Variants in COL17A1 observed in about 807,000 individuals in gnomAD.
COL17A1 encodes the protein collagen type XVII alpha 1 chain, also known as collagen alpha-1(XVII) chain.
A neutral mutation model predicts 218.4 loss-of-function variants in COL17A1; 181 were observed. That is an observed-to-expected ratio of 0.83 (90% CI 0.73 to 0.94). COL17A1 has a LOEUF of 0.94. COL17A1 is among the 40% of genes least tolerant of loss of function. The pLI is 0.00. For synonymous variants in COL17A1, 721 were observed against 731.0 expected (o/e 0.99, Z 0.22); for missense variants, 1,924 against 1,945.9 (o/e 0.99, Z 0.21).
chr10:104,080,776 T>C, intron 1 of COL17A1, 92 bp from the exon 2 acceptor site: 1 of 1,319,494 alleles, frequency 7.6e-7, no homozygotes, highest in Non-Finnish European at 1.1e-6. Flanking sequence ...ACCAAAAACA[T>C]GATTTCAAGA....
intron 13 of COL17A1, among the ~76,000 whole-genome samples, chr10:104,060,638 C>T (rs1010742545): frequency 6.6e-6 from 1 of 152,138 alleles, no homozygotes; most frequent in Non-Finnish European, 1.5e-5. Flanking sequence ...TCATTTTTAT[C>T]CTCCAGGTCT....
At chr10:104,055,338 T>G (rs773092463) in intron 19 of COL17A1, 34 bp downstream of exon 19, 1 of 1,613,788 alleles carries the variant, frequency 6.2e-7, no homozygotes, top group South Asian at 1.1e-5. Context: ...CTGCAGGAAA[T>G]GAATCAGAGA....
rs762024275 is a variant in COL17A1, at chr10:104,053,920, C to T, written c.1834G>A (p.Gly612Arg). 12 of 1,560,932 alleles carry T rather than the reference C, an allele frequency of 7.7e-6. No individual in the cohort carries two copies. The highest frequency in any genetic ancestry group is 8.8e-7 in the Non-Finnish European group (1 of 1,131,774). The part of the protein sequence containing the change: ...QGPKGQKGSV[G>R]DPGMEGPMGQ... Reference sequence around the variant, plus strand: ...GAATAAAGAAAAATGTGTTTCTTACCCACGCTGCCTTTTTGACCCTTTGGT... The same window carrying T: ...GAATAAAGAAAAATGTGTTTCTTACTCACGCTGCCTTTTTGACCCTTTGGT... The change falls in exon 22 of 56, where the codon GGA becomes AGA. Residue 612 changes from glycine (G) to arginine (R), a missense_variant and splice_region_variant. Gly to Arg is a moderately radical substitution (Grantham distance 125). Transcript: ENST00000648076.
intron 45 of COL17A1, among the ~76,000 whole-genome samples, 167 bp downstream of exon 45, chr10:104,038,223 GACACACATACACACAC>G (rs1210077928): frequency 6.3e-5 from 8 of 126,560 alleles, no homozygotes; most frequent in African/African-American, 2.3e-4. Context: ...TGGACACATA[GACACACATACACACAC>G]ACACACACAC....
At chr10:104,066,935 G>C (rs757400651) in intron 9 of COL17A1, among the ~76,000 whole-genome samples, 11 of 152,146 alleles carry the variant, frequency 7.2e-5, no homozygotes, top group African/African-American at 9.7e-5. Context: ...ATTTTAAATA[G>C]GAAATAAGGC....
At position 104,062,245 on chromosome 10, in the gene COL17A1, C is replaced by T; in HGVS notation, c.910+13G>A. The T allele has an allele frequency of 6.2e-7, 1 of 1,614,228 alleles. No individual in the cohort carries two copies. The highest frequency in any genetic ancestry group is 8.5e-7 in the Non-Finnish European group (1 of 1,180,032). Reference sequence around the variant, plus strand: ...ACTTTCCAGCGCCTAAGCTCCAACCCTAGCCTACTGACCTGTGGAAGTGGT... The same window carrying T: ...ACTTTCCAGCGCCTAAGCTCCAACCTTAGCCTACTGACCTGTGGAAGTGGT... On this transcript the variant is annotated intron_variant, in intron 12 of 55. Coordinates refer to ENST00000648076, the MANE Select transcript of COL17A1 (RefSeq NM_000494.4).
At chr10:104,043,144 C>T (rs1480718643) in intron 35 of COL17A1, among the ~76,000 whole-genome samples, 1 of 152,172 alleles carries the variant, frequency 6.6e-6, no homozygotes, top group Non-Finnish European at 1.5e-5. Context: ...ACAAAGGGCT[C>T]AAGGACTGAG....
At chr10:104,080,304 T>C (rs376974966) in intron 2 of COL17A1, among the ~76,000 whole-genome samples, 1 of 152,256 alleles carries the variant, frequency 6.6e-6, no homozygotes, top group South Asian at 2.1e-4. Flanking sequence ...TCTGTTGCCC[T>C]GTACCCCTAA....
At chr10:104,034,558 C>CACTT in intron 51 of COL17A1, 63 bp downstream of exon 51, 1 of 1,576,232 alleles carries the variant, frequency 6.3e-7, no homozygotes, top group South Asian at 1.2e-5. Context: ...CTCCCTGCCC[C>CACTT]ACTTACAGGG....
Position 104,034,631 on chromosome 10 carries a change from G to T in COL17A1, c.3756C>A (p.Ser1252Arg). The T allele has an allele frequency of 6.2e-7, 1 of 1,610,208 alleles. No homozygotes were observed. The highest frequency in any genetic ancestry group is 1.7e-5 in the Admixed American group (1 of 59,604). Residue 1252 changes from serine to arginine, a missense_variant, in exon 51 of 56, where the codon AGC becomes AGA. By Grantham distance (110) the Ser-to-Arg change is moderately radical. Coordinates refer to ENST00000648076, the MANE Select transcript of COL17A1 (RefSeq NM_000494.4). ...NSDSFRSELI[S>R]YLTSPDVRSF... ...CGTCGGGGCACCTACTTGTGAGGTA[G>T]CTGATCAGCTCGCTCCGGAAGCTGT...
chr10:104,036,077 A>AGTGTGAGTATGGGT (rs2086288763), intron 48 of COL17A1, among the ~76,000 whole-genome samples: 2 of 44,754 alleles, frequency 4.5e-5, no homozygotes, highest in Admixed American at 2.3e-4. Context: ...TGTGTATGGG[A>AGTGTGAGTATGGGT]GTGTGTATGG....
At chr10:104,036,692 T>A in intron 47 of COL17A1, 60 bp from the exon 48 acceptor site, 1 of 1,588,770 alleles carries the variant, frequency 6.3e-7, no homozygotes, top group Non-Finnish European at 8.6e-7. Context: ...GCAGCCATGA[T>A]CCAGCCACAG....
At chr10:104,062,149 G>C in intron 12 of COL17A1, 109 bp downstream of exon 12, 1 of 1,533,094 alleles carries the variant, frequency 6.5e-7, no homozygotes, top group Admixed American at 1.7e-5. Flanking sequence ...TCTTTGGTGG[G>C]AAAGGTCGAC....
intron 33 of COL17A1, among the ~76,000 whole-genome samples, chr10:104,044,171 C>G (rs1311256110): frequency 6.6e-6 from 1 of 152,204 alleles, no homozygotes; most frequent in Non-Finnish European, 1.5e-5. Flanking sequence ...TCCCACATTC[C>G]ACCACCTCTG....
At chr10:104,081,469 C>T (rs1461283291) in intron 1 of COL17A1, among the ~76,000 whole-genome samples, 1 of 152,134 alleles carries the variant, frequency 6.6e-6, no homozygotes, top group Non-Finnish European at 1.5e-5. Flanking sequence ...AGGGCTGTTG[C>T]CAAACGGTGG....
At chr10:104,060,742 T>A (rs2086575347) in intron 13 of COL17A1, among the ~76,000 whole-genome samples, 2 of 152,202 alleles carry the variant, frequency 1.3e-5, no homozygotes, top group African/African-American at 4.8e-5. Flanking sequence ...ACATTACTTA[T>A]TGCTTTCCTT....
rs771024311 is a variant in COL17A1, at chr10:104,053,103, T to C, written c.1867A>G (p.Arg623Gly). Residue 623 changes from arginine to glycine, a missense_variant, in exon 23 of 56, where the codon AGA (arginine) becomes GGA (glycine). Arg to Gly is a moderately radical substitution (Grantham distance 125). Transcript: ENST00000648076. ...DPGMEGPMGQ[R>G]GREGPMGPRG... ...GGTCCCATGGGGCCTTCTCGCCCTC[T>C]CTGGCCCATGGGGCCTTCCATGCCA... 3 of 1,613,794 alleles carry C rather than the reference T, an allele frequency of 1.9e-6. No homozygotes were observed. In the Admixed American group the frequency reaches 5.0e-5, roughly 27 times the overall value.
Position 104,047,793 on chromosome 10 carries a change from C to A in COL17A1, c.2281G>T (p.Gly761Trp). Reference protein sequence around the residue: ...QGPRGEQGLTGMPGIRGPPGP... With the variant: ...QGPRGEQGLTWMPGIRGPPGP... ...GGTGGGCCACGGATTCCAGGCATCC[C>A]AGTAAGACCTTGTTCACCTAGAGAG... Residue 761 changes from glycine to tryptophan, a missense_variant, in exon 31 of 56, where the codon GGG becomes TGG. Coordinates refer to ENST00000648076, the MANE Select transcript of COL17A1 (RefSeq NM_000494.4). The A allele has an allele frequency of 1.2e-6, 2 of 1,614,196 alleles. No homozygotes were observed.
chr10:104,034,043 C>T lies in COL17A1; in HGVS notation c.4058G>A (p.Gly1353Asp). The T allele has an allele frequency of 1.2e-6, 2 of 1,614,188 alleles. No homozygotes were observed. Among genetic ancestry groups the T allele is most frequent in the Non-Finnish European group, 8.5e-7 (1 of 1,180,044 alleles). ...TCCGCCATTGCCAGCATACATGCCGCCTTCTGCTGCTGCCCCATAGCCTCC... is the reference window on the plus strand; with the variant it reads ...TCCGCCATTGCCAGCATACATGCCGTCTTCTGCTGCTGCCCCATAGCCTCC... ...PGGGYGAAAE[G>D]GMYAGNGGLL... The change falls in exon 52 of 56, where the codon GGC becomes GAC. Residue 1353 changes from glycine (G) to aspartate (D), a missense_variant. Physicochemically the swap from Gly to Asp is moderately conservative, Grantham distance 94 (BLOSUM62 -1). Transcript: ENST00000648076.
Sources: gnomAD v4.1 joint callset for allele counts (sites outside exome capture counted in the v4.1 genomes callset) on GRCh38, gnomAD v4.1.1 for gene constraint, MANE v1.5 for transcripts, NCBI Gene and HGNC (gene_info 2026-07-23, HGNC 2026-07-21) for gene names.